C19orf38: variants seen among roughly 807,000 people sequenced by gnomAD.
C19orf38 encodes the protein protein HIDE1.
Under a neutral mutation model 26.6 loss-of-function variants are expected in C19orf38, and 14 were observed. The observed-to-expected ratio is 0.53, with a 90% CI of 0.35 to 0.82. The LOEUF (loss-of-function observed/expected upper bound fraction) is 0.82. Ranked by LOEUF, C19orf38 falls within the 40% of genes least tolerant of loss-of-function variation. C19orf38 has a pLI of 0.01. For missense variants in C19orf38, 261 were observed against 299.5 expected (o/e 0.87, Z 0.95); for synonymous variants, 132 against 128.5 (o/e 1.03, Z -0.18).
chr19:10,845,043 G>A (rs368483847), upstream of C19orf38, among the ~76,000 whole-genome samples: 1 of 150,268 alleles, frequency 6.7e-6, no homozygotes, highest in East Asian at 1.9e-4. Context: ...TGTGGTCCCA[G>A]CTACTTGGAA....
At position 10,841,053 on chromosome 19, in the gene C19orf38, A is replaced by G. The variant is rs571932873; in HGVS notation, c.-69+4283A>G. Among the ~76,000 whole-genome samples, 26 of 132,978 alleles carry G rather than the reference A, an allele frequency of 2.0e-4. No individual in the cohort carries two copies. In the South Asian group the frequency reaches 4.4e-3, roughly 22 times the overall value. 87.2% of individuals were successfully genotyped at this position (132,978 alleles called of 152,430 possible). ...TCTTATCTGCTTCTCGGTGGTGTGTATATCTTCTTTGGAAAGGTATCCATT... is the reference window on the plus strand; with the variant it reads ...TCTTATCTGCTTCTCGGTGGTGTGTGTATCTTCTTTGGAAAGGTATCCATT... On this transcript the variant is annotated intron_variant, in intron 1 of 7. Coordinates refer to the C19orf38 transcript ENST00000592854.
chr19:10,856,457 T>G, intron 3 of C19orf38, 100 bp downstream of exon 3: 1 of 908,834 alleles, frequency 1.1e-6, no homozygotes, highest in East Asian at 2.8e-5. Context: ...TGTTTTCAGG[T>G]TCAGTAATTT....
chr19:10,854,987 CT>C (rs1568335637), intron 2 of C19orf38, among the ~76,000 whole-genome samples: 1 of 151,358 alleles, frequency 6.6e-6, no homozygotes, highest in Non-Finnish European at 1.5e-5. Flanking sequence ...GTTTCTCCCC[CT>C]CATGGAGGCA....
intron 3 of C19orf38, among the ~76,000 whole-genome samples, chr19:10,857,091 C>T (rs2073633503): frequency 6.6e-6 from 1 of 151,644 alleles, no homozygotes; most frequent in African/African-American, 2.4e-5. Context: ...ACTACCACAC[C>T]TGGCTAATTT....
chr19:10,845,881 A>C (rs2073512351), upstream of C19orf38, among the ~76,000 whole-genome samples: 1 of 150,652 alleles, frequency 6.6e-6, no homozygotes, highest in African/African-American at 2.4e-5. Context: ...TCCGTCAAAA[A>C]AAAAAAAAAA....
Position 10,837,348 on chromosome 19 carries a change from A to T in C19orf38, c.-69+578A>T, listed in dbSNP as rs958958040. ...GTCAGCACTTTCCTGCATTTGGAGA[A>T]TTTGGGGAAGTAGCTCTTTGTAATA... On this transcript the variant is annotated intron_variant, in intron 1 of 7. Transcript: ENST00000592854. 2.0e-5 allele frequency among the ~76,000 whole-genome samples: 3 copies of T among 152,120 alleles called. No homozygotes were observed. The East Asian group carries it at 5.8e-4, about 29-fold the overall frequency.
chr19:10,866,902 A>G (rs1438648008), intron 6 of C19orf38, among the ~76,000 whole-genome samples: 1 of 151,826 alleles, frequency 6.6e-6, no homozygotes, highest in African/African-American at 2.4e-5. Context: ...CAACCTCCCA[A>G]AGTGTTGGGA....
chr19:10,848,583 C>T, intron 1 of C19orf38, 44 bp downstream of exon 1: 1 of 1,345,880 alleles, frequency 7.4e-7, no homozygotes, highest in Non-Finnish European at 9.9e-7. Context: ...GCCTTTCCCC[C>T]CATCCTCTGT....
At chr19:10,843,139 G>T (rs1279213025) in intron 1 of C19orf38, among the ~76,000 whole-genome samples, 2 of 152,176 alleles carry the variant, frequency 1.3e-5, no homozygotes, top group Non-Finnish European at 2.9e-5. Flanking sequence ...TGCAAAAAAG[G>T]TTAAAGCGAA....
intron 1 of C19orf38, among the ~76,000 whole-genome samples, chr19:10,837,368 G>A (rs2073440764): frequency 6.6e-6 from 1 of 151,698 alleles, no homozygotes; most frequent in Non-Finnish European, 1.5e-5. Context: ...GTAGCTCTTT[G>A]TAATATCAGT....
At chr19:10,846,779 G>A (rs978796399), upstream of C19orf38, among the ~76,000 whole-genome samples, 1 of 152,216 alleles carries the variant, frequency 6.6e-6, no homozygotes, top group Non-Finnish European at 1.5e-5. Flanking sequence ...CAAATTCCTT[G>A]AAGATACAAG....
chr19:10,853,632 C>T (rs1305659501), intron 2 of C19orf38, among the ~76,000 whole-genome samples: 1 of 148,608 alleles, frequency 6.7e-6, no homozygotes, highest in Non-Finnish European at 1.5e-5. Context: ...GTCTGTCGCC[C>T]AGGCTGGAGT....
At position 10,837,465 on chromosome 19, in the gene C19orf38, CTTTTCTTTT is replaced by C. The variant is rs565036901; in HGVS notation, c.-69+709_-69+717del. On this transcript the variant is annotated intron_variant, in intron 1 of 7. Coordinates refer to the C19orf38 transcript ENST00000592854. The stretch of plus-strand genomic sequence containing the variant: ...AGTAACAGTGGAGAACGGGTGACTC[CTTTTCTTTT>C]TTTTCTTTTTTTTTTTAATTTTTTT... 1.7e-3 allele frequency among the ~76,000 whole-genome samples: 224 copies of C among 130,396 alleles called. 6 individuals are homozygous for C. In the South Asian group the frequency reaches 0.052, roughly 30 times the overall value. 85.5% of individuals were successfully genotyped at this position (130,396 alleles called of 152,430 possible).
In C19orf38 at chr19:10,850,296, G is replaced by GC; in HGVS notation, c.74dup (p.Tyr26ValfsTer48). 6.4e-7 allele frequency: 1 copy of GC among 1,550,782 alleles called. No individual in the cohort carries two copies. Among genetic ancestry groups the GC allele is most frequent in the Non-Finnish European group, 8.7e-7 (1 of 1,146,922 alleles). ...TCCCAGCACCATCCATCCGGCTGGT[G>GC]CCCCCGTACCCAAGCAGCCAAGAGG... is the stretch of plus-strand genomic sequence containing the variant. On this transcript the variant is annotated frameshift_variant, in exon 2 of 7. Transcript: ENST00000397820. LOFTEE classifies it high-confidence loss of function.
rs150415221 is a variant in C19orf38 at position 10,837,085 on chromosome 19, T to G, written c.-69+315T>G. 9.2e-5 allele frequency among the ~76,000 whole-genome samples: 14 copies of G among 152,282 alleles called. No individual in the cohort carries two copies. In the East Asian group the frequency reaches 2.7e-3, roughly 29 times the overall value. The stretch of plus-strand genomic sequence containing the variant: ...CCTCTGTTGAGCCTCAGTTTCCTCT[T>G]CTGCAAAATGGGGATAATAGGCCTA... On this transcript the variant is annotated intron_variant, in intron 1 of 7. Transcript: ENST00000592854.
In C19orf38 at chr19:10,863,263, C is replaced by T. The variant is rs543235210; in HGVS notation, c.543+56C>T. The T allele has an allele frequency of 1.2e-5, 18 of 1,526,410 alleles. No homozygotes were observed. In the African/African-American group the frequency reaches 1.2e-4, roughly 11 times the overall value. 94.6% of individuals were successfully genotyped at this position (1,526,410 alleles called of 1,614,324 possible). A position where few individuals can be genotyped will look rare whatever the true frequency, so the allele number is the denominator to read the frequency against. ...TCTGCTGACCGTCCTACCGGGAGAA[C>T]GGGGCGGGCTCAAGGGGCACCACGA... On this transcript the variant is annotated intron_variant, in intron 6 of 6. Coordinates refer to ENST00000397820, the MANE Select transcript of C19orf38 (RefSeq NM_001136482.3).
intron 3 of C19orf38, among the ~76,000 whole-genome samples, chr19:10,857,335 C>CACATATAT (rs1345312628): frequency 1.5e-5 from 1 of 68,936 alleles, no homozygotes; most frequent in South Asian, 4.6e-4. Context: ...CACACACACA[C>CACATATAT]ATACATATAT....
At chr19:10,841,043 G>A (rs986026439) in intron 1 of C19orf38, among the ~76,000 whole-genome samples, 3 of 151,750 alleles carry the variant, frequency 2.0e-5, no homozygotes, top group Admixed American at 6.6e-5. Context: ...TCTGCTTCTC[G>A]GTGGTGTGTA....
At chr19:10,853,082 G>T (rs1199702496) in intron 2 of C19orf38, among the ~76,000 whole-genome samples, 6 of 150,012 alleles carry the variant, frequency 4.0e-5, no homozygotes, top group African/African-American at 2.4e-5. Flanking sequence ...TTTTTTTTTA[G>T]ATAGGGGTCT....
Sources: gnomAD v4.1 joint callset for allele counts (sites outside exome capture counted in the v4.1 genomes callset) on GRCh38, gnomAD v4.1.1 for gene constraint, MANE v1.5 for transcripts, NCBI Gene and HGNC (gene_info 2026-07-23, HGNC 2026-07-21) for gene names.